SHCBP1L: variants seen among roughly 807,000 people sequenced by gnomAD.
SHCBP1L encodes SHC binding and spindle associated 1 like.
In SHCBP1L, 67 loss-of-function variants were observed where a neutral mutation model predicts 62.5. The observed-to-expected ratio is 1.07, with a 90% CI of 0.88 to 1.31. SHCBP1L has a LOEUF of 1.31. SHCBP1L is among the 40% of genes most tolerant of loss of function. SHCBP1L has a pLI of 0.00. For synonymous variants in SHCBP1L, 284 were observed against 289.4 expected, an observed-to-expected ratio of 0.98 and a Z score of 0.19; for missense variants, 823 against 809.8, an observed-to-expected ratio of 1.02 and a Z score of -0.20.
In SHCBP1L at chr1:182,900,007, C is replaced by T. The variant is rs771153421; in HGVS notation, c.1938G>A (p.Gly646=). ...TTTAACTTGTGACTATTCTGATATC[C>T]CCCTTGACGTTTGCTTCTATCTTAT... ...NNNKIEANVK[G]DIRIVTS Residue 646 remains glycine, a synonymous_variant, in exon 10 of 10, where the codon GGG becomes GGA. Transcript: ENST00000367547. 4 of 1,606,926 alleles carry T rather than the reference C, an allele frequency of 2.5e-6. No homozygotes were observed. Among genetic ancestry groups the T allele is most frequent in the South Asian group, 1.1e-5 (1 of 89,300 alleles).
chr1:182,941,289 G>C (rs77234638), intron 2 of SHCBP1L, among the ~76,000 whole-genome samples: 16 of 121,234 alleles, frequency 1.3e-4, no homozygotes, highest in East Asian at 2.4e-4. Context: ...AGGACATAAA[G>C]AGTAAAATTC....
chr1:182,952,868 G>A lies in SHCBP1L; in HGVS notation c.266C>T (p.Ala89Val). 3 of 1,552,720 alleles carry A rather than the reference G, an allele frequency of 1.9e-6. No homozygotes were observed. In the African/African-American group the frequency reaches 4.1e-5, roughly 21 times the overall value. ...AGGCACTGGCAGCAGGGGCTCCTCC[G>A]CCGCCGCCGCCGCCGCCTCTCCCGT... ...EDTGEAAAAA[A>V]EEPLLPVPED... Residue 89 changes from alanine to valine, a missense_variant, in exon 1 of 10, where the codon GCG becomes GTG. Coordinates refer to ENST00000367547, the MANE Select transcript of SHCBP1L (RefSeq NM_030933.4).
chr1:182,942,344 C>A, intron 2 of SHCBP1L: 5 of 791,056 alleles, frequency 6.3e-6, no homozygotes, highest in South Asian at 4.0e-5. Context: ...CCGCCCCGAT[C>A]TCCTGTTGGG....
intron 5 of SHCBP1L, among the ~76,000 whole-genome samples, chr1:182,932,265 C>T (rs1651030554): frequency 1.3e-5 from 2 of 152,044 alleles, no homozygotes; most frequent in South Asian, 4.2e-4. Flanking sequence ...CAACCATGTG[C>T]AGGTTTTTGT....
At position 182,929,707 on chromosome 1, in the gene SHCBP1L, T is replaced by G. The variant is rs746065034; in HGVS notation, c.1122A>C (p.Gly374=). 6.3e-7 allele frequency: 1 copy of G among 1,595,576 alleles called. No individual in the cohort carries two copies. Among genetic ancestry groups the G allele is most frequent in the African/African-American group, 1.4e-5 (1 of 73,662 alleles). The part of the protein sequence containing the change: ...FFPRILRRRK[G]KREFGKTITH... ...TTATAGTCTTTCCAAATTCTCTTTT[T>G]CCTTTCCTACGCCTCAGAATTCTTG... Residue 374 remains glycine, a synonymous_variant, in exon 6 of 10, where the codon GGA becomes GGC. Transcript: ENST00000367547.
rs1650895454 is a variant in SHCBP1L at position 182,929,657 on chromosome 1, G to C, written c.1172C>G (p.Thr391Ser). The change falls in exon 6 of 10, where the codon ACT (threonine) becomes AGT (serine). Residue 391 changes from threonine to serine, a missense_variant. Transcript: ENST00000367547. ...TAGTTTATTTCTTACCATTTCAGTA[G>C]TCATCATTTTTGCTACAATATGTGT... is the stretch of plus-strand genomic sequence containing the variant. ...TITHIVAKMM[T>S]TEMIKDLSSD... The C allele has an allele frequency of 6.4e-7, 1 of 1,554,330 alleles. No homozygotes were observed. Among genetic ancestry groups the C allele is most frequent in the Non-Finnish European group, 8.7e-7 (1 of 1,151,554 alleles).
At position 182,950,693 on chromosome 1, in the gene SHCBP1L, G is replaced by GA. The variant is rs533293017; in HGVS notation, c.555+624dup. The GA allele has an allele frequency of 1.1e-3, 148 of 136,260 alleles. No homozygotes were observed. In the South Asian group the frequency reaches 0.012, roughly 11 times the overall value. 8.4% of individuals were successfully genotyped at this position (136,260 alleles called of 1,614,324 possible). A position where few individuals can be genotyped will look rare whatever the true frequency, so the allele number is the denominator to read the frequency against. ...GACAGGACGAAACTCTGTTTCAAAA[G>GA]AAAAAAAAAAGAAAAATCTTATCAG... On this transcript the variant is annotated intron_variant, in intron 2 of 9. Transcript: ENST00000367547.
At chr1:182,917,139 CAAAGCT>C (rs1026999676) in intron 6 of SHCBP1L, among the ~76,000 whole-genome samples, 7 of 152,080 alleles carry the variant, frequency 4.6e-5, no homozygotes, top group Non-Finnish European at 1.0e-4. Flanking sequence ...TATCTGATAA[CAAAGCT>C]AGACAAAAAT....
In SHCBP1L at chr1:182,952,865, TCCGCCG is replaced by T. The variant is rs747708113; in HGVS notation, c.263_268del (p.Ala88_Ala89del). 72 of 1,601,466 alleles carry T rather than the reference TCCGCCG, an allele frequency of 4.5e-5. No individual in the cohort carries two copies. In the South Asian group the frequency reaches 7.2e-4, roughly 16 times the overall value. ...CTCAGGCACTGGCAGCAGGGGCTCC[TCCGCCG>T]CCGCCGCCGCCGCCTCTCCCGTGTC... On this transcript the variant is annotated inframe_deletion, in exon 1 of 10. Coordinates refer to ENST00000367547, the MANE Select transcript of SHCBP1L (RefSeq NM_030933.4).
At chr1:182,907,178 A>C (rs1235336659) in intron 6 of SHCBP1L, among the ~76,000 whole-genome samples, 1 of 151,814 alleles carries the variant, frequency 6.6e-6, no homozygotes, top group East Asian at 2.0e-4. Context: ...CACACCTGTA[A>C]TCCCAGCATT....
Position 182,900,076 on chromosome 1 carries a change from C to T in SHCBP1L, c.1869G>A (p.Met623Ile), listed in dbSNP as rs1649778305. 1 of 1,612,800 alleles carries T rather than the reference C, an allele frequency of 6.2e-7. No homozygotes were observed. Among genetic ancestry groups the T allele is most frequent in the African/African-American group, 1.3e-5 (1 of 74,888 alleles). Residue 623 changes from methionine to isoleucine, a missense_variant, in exon 10 of 10, where the codon ATG becomes ATA. Physicochemically the swap from Met to Ile is conservative, Grantham distance 10 (BLOSUM62 1). Coordinates refer to ENST00000367547, the MANE Select transcript of SHCBP1L (RefSeq NM_030933.4). Reference sequence around the variant, plus strand: ...TCAGATTTTGCATTACTTTGAAGAGCATTTTATCATCTTTTTTATCTCCTG... The same window carrying T: ...TCAGATTTTGCATTACTTTGAAGAGTATTTTATCATCTTTTTTATCTCCTG... The part of the protein sequence containing the change: ...ASSGDKKDDK[M>I]LFKVMQNLNL...
At chr1:182,925,593 T>C (rs906061385) in intron 6 of SHCBP1L, among the ~76,000 whole-genome samples, 2 of 151,930 alleles carry the variant, frequency 1.3e-5, no homozygotes, top group African/African-American at 2.4e-5. Flanking sequence ...ACTGGAGAAA[T>C]TGGAACTCTA....
chr1:182,925,506 G>A (rs896091833), intron 6 of SHCBP1L, among the ~76,000 whole-genome samples: 2 of 151,890 alleles, frequency 1.3e-5, no homozygotes, highest in Non-Finnish European at 2.9e-5. Context: ...CTTCACATTC[G>A]CTAGGATCAC....
intron 2 of SHCBP1L, among the ~76,000 whole-genome samples, chr1:182,945,329 C>T (rs936598309): frequency 6.6e-6 from 1 of 152,182 alleles, no homozygotes; most frequent in African/African-American, 2.4e-5. Flanking sequence ...TAAAAATCTC[C>T]TTTCAATATG....
intron 5 of SHCBP1L, among the ~76,000 whole-genome samples, chr1:182,934,086 A>G (rs1326347919): frequency 6.6e-6 from 1 of 151,968 alleles, no homozygotes; most frequent in Non-Finnish European, 1.5e-5. Flanking sequence ...GCATCTGTTC[A>G]TTTATTCTTG....
chr1:182,899,918 G>C lies in SHCBP1L; in HGVS notation c.*65C>G. ...TTGAATTGAAACTACCATTTCAGTG[G>C]GGTATGAGAATCATGTATTAAACAA... On this transcript the variant is annotated 3_prime_UTR_variant, in exon 10 of 10. Coordinates refer to ENST00000367547, the MANE Select transcript of SHCBP1L (RefSeq NM_030933.4). 1.5e-6 allele frequency: 2 copies of C among 1,315,910 alleles called. No individual in the cohort carries two copies. Among genetic ancestry groups the C allele is most frequent in the South Asian group, 1.8e-5 (1 of 55,076 alleles). The allele number at this position is 1,315,910 out of a possible 1,614,324, so 81.5% of individuals were successfully genotyped here. A position where few individuals can be genotyped will look rare whatever the true frequency, so the allele number is the denominator to read the frequency against.
At chr1:182,921,212 G>T (rs1650519273) in intron 6 of SHCBP1L, among the ~76,000 whole-genome samples, 1 of 152,110 alleles carries the variant, frequency 6.6e-6, no homozygotes, top group Non-Finnish European at 1.5e-5. Flanking sequence ...GAGATTGGGG[G>T]CCTACATTCA....
chr1:182,903,294 C>A, intron 8 of SHCBP1L, 133 bp from the exon 9 acceptor site: 2 of 607,124 alleles, frequency 3.3e-6, no homozygotes, highest in Admixed American at 3.2e-5. Context: ...CGTGATCATG[C>A]ATGCAACTGT....
intron 6 of SHCBP1L, among the ~76,000 whole-genome samples, chr1:182,910,828 A>G (rs899583378): frequency 6.6e-6 from 1 of 152,166 alleles, no homozygotes; most frequent in African/African-American, 2.4e-5. Context: ...CTCAGAGACA[A>G]TCTGCAAACA....
Sources: allele counts gnomAD v4.1 joint callset (sites outside exome capture counted in the v4.1 genomes callset), GRCh38; gene constraint gnomAD v4.1.1; transcripts MANE v1.5; gene names NCBI Gene and HGNC (gene_info 2026-07-23, HGNC 2026-07-21).